Variants in NLGN4Y observed in about 807,000 individuals in gnomAD.
NLGN4Y encodes neuroligin 4 Y-linked, also known as neuroligin-4, Y-linked.
NLGN4Y carries 4 observed loss-of-function variants against 8.4 expected under a neutral mutation model. That is an observed-to-expected ratio of 0.48 (90% CI 0.23 to 1.09). NLGN4Y has a LOEUF of 1.09. Ranked by LOEUF, NLGN4Y falls within the 50% of genes least tolerant of loss-of-function variation. The pLI is 0.19. For synonymous variants in NLGN4Y, 35 were observed against 75.6 expected, an observed-to-expected ratio of 0.46 and a Z score of 2.78; for missense variants, 90 against 192.3, an observed-to-expected ratio of 0.47 and a Z score of 3.15.
intron 1 of NLGN4Y, among the ~76,000 whole-genome samples, chrY:14,603,130 A>G (rs2080434122): frequency 3.1e-5 from 1 of 32,413 alleles, no homozygotes; most frequent in African/African-American, 1.2e-4. Context: ...CCTATAGAGG[A>G]TGGATGTGTG....
intron 1 of NLGN4Y, among the ~76,000 whole-genome samples, chrY:14,613,613 C>T (rs2080477250): frequency 3.0e-5 from 1 of 32,960 alleles, no homozygotes; most frequent in African/African-American, 1.2e-4. Flanking sequence ...GACAGGCCTC[C>T]ATGTGTGACG....
intron 1 of NLGN4Y, among the ~76,000 whole-genome samples, chrY:14,525,669 T>C (rs2080090545): frequency 3.0e-5 from 1 of 32,852 alleles, no homozygotes; most frequent in Non-Finnish European, 7.4e-5. Context: ...ATTTTTCTAT[T>C]GTTCATTTTT....
At chrY:14,667,153 A>G (rs2080694873) in intron 2 of NLGN4Y, among the ~76,000 whole-genome samples, 1 of 31,743 alleles carries the variant, frequency 3.2e-5, no homozygotes. Flanking sequence ...AAGCTGAGAT[A>G]GCTCTATTAA....
chrY:14,591,067 C>T (rs1603500682), intron 1 of NLGN4Y, among the ~76,000 whole-genome samples: 2 of 32,815 alleles, frequency 6.1e-5, no homozygotes, highest in Admixed American at 5.6e-4. Context: ...ATTAGTTGTA[C>T]GGCTCTGCGC....
intron 4 of NLGN4Y, among the ~76,000 whole-genome samples, chrY:14,775,032 G>A (rs2081120694): frequency 6.2e-5 from 2 of 32,346 alleles, no homozygotes; most frequent in African/African-American, 2.4e-4. Context: ...GAGGAATAGC[G>A]TCAGGAGAAA....
intron 1 of NLGN4Y, among the ~76,000 whole-genome samples, chrY:14,611,195 A>G: frequency 1.5e-4 from 5 of 32,841 alleles, no homozygotes; most frequent in Non-Finnish European, 3.7e-4. Flanking sequence ...GTGTCTTTTA[A>G]TTGGGGCATT....
At chrY:14,779,294 C>T (rs775090079) in intron 4 of NLGN4Y, among the ~76,000 whole-genome samples, 24 of 33,364 alleles carry the variant, frequency 7.2e-4, no homozygotes, top group African/African-American at 2.8e-3. Flanking sequence ...AAAGATCTCT[C>T]TAAATAACAA....
chrY:14,589,217 G>A, intron 1 of NLGN4Y, among the ~76,000 whole-genome samples: 1 of 32,846 alleles, frequency 3.0e-5, no homozygotes, highest in South Asian at 7.0e-4. Flanking sequence ...TACAGTGCCT[G>A]AGCTAGATAC....
intron 1 of NLGN4Y, among the ~76,000 whole-genome samples, chrY:14,591,662 G>T: frequency 1.2e-4 from 4 of 33,462 alleles, no homozygotes; most frequent in African/African-American, 4.7e-4. Flanking sequence ...GGAGCTTGAA[G>T]TTGTAAGGTG....
At chrY:14,545,130 A>G in intron 1 of NLGN4Y, among the ~76,000 whole-genome samples, 2 of 33,119 alleles carry the variant, frequency 6.0e-5, no homozygotes, top group Non-Finnish European at 1.5e-4. Flanking sequence ...TTATGGCTGC[A>G]TAGTATTCCA....
At position 14,584,206 on chromosome Y, in the gene NLGN4Y, C is replaced by A. The variant is rs761978421; in HGVS notation, c.-111-37803C>A. On this transcript the variant is annotated intron_variant, in intron 1 of 6. Coordinates refer to ENST00000684976, the MANE Select transcript of NLGN4Y (RefSeq NM_001365588.1). ...ACAGTGGCACGATCAGGGCTCACTGCAACTTCCCTGTCTCGAGCTCAAGCC... is the reference window on the plus strand; with the variant it reads ...ACAGTGGCACGATCAGGGCTCACTGAAACTTCCCTGTCTCGAGCTCAAGCC... Among the ~76,000 whole-genome samples the A allele has an allele frequency of 1.2e-3, 42 of 33,739 alleles. No individual in the cohort carries two copies. In the South Asian group the frequency reaches 0.028, roughly 22 times the overall value. 90.5% of individuals were successfully genotyped at this position (33,739 alleles called of 37,273 possible). A position where few individuals can be genotyped will look rare whatever the true frequency, so the allele number is the denominator to read the frequency against.
At chrY:14,748,641 A>G in intron 4 of NLGN4Y, 1 of 186,190 alleles carries the variant, frequency 5.4e-6, no homozygotes, top group East Asian at 1.1e-4. Context: ...TGGCTCATGG[A>G]AACTGCAAGC....
intron 1 of NLGN4Y, among the ~76,000 whole-genome samples, chrY:14,560,730 A>G: frequency 3.0e-5 from 1 of 33,714 alleles, no homozygotes; most frequent in African/African-American, 1.2e-4. Context: ...GTGATGTGAA[A>G]GAAAATTACA....
At chrY:14,676,294 C>T (rs938365416) in intron 2 of NLGN4Y, among the ~76,000 whole-genome samples, 5 of 33,138 alleles carry the variant, frequency 1.5e-4, no homozygotes, top group African/African-American at 3.5e-4. Flanking sequence ...CTCCATTTCC[C>T]CAAAATCCGT....
upstream of NLGN4Y, chrY:14,524,430 C>G: frequency 1.0e-4 from 10 of 97,752 alleles, no homozygotes; most frequent in Non-Finnish European, 2.3e-4. Flanking sequence ...TTCATCTGGT[C>G]TCTTCTCCCC....
At chrY:14,610,916 T>A (rs903465555) in intron 1 of NLGN4Y, among the ~76,000 whole-genome samples, 1 of 32,928 alleles carries the variant, frequency 3.0e-5, no homozygotes, top group Non-Finnish European at 7.5e-5. Context: ...ATTGGGTGCA[T>A]ATATATTTAT....
At chrY:14,722,186 C>T (rs760983571) in intron 3 of NLGN4Y, among the ~76,000 whole-genome samples, 2 of 33,030 alleles carry the variant, frequency 6.1e-5, no homozygotes, top group African/African-American at 1.2e-4. Flanking sequence ...TTTGCTTGGA[C>T]ATCTTTTCTT....
chrY:14,698,672 G>T, intron 2 of NLGN4Y, among the ~76,000 whole-genome samples: 1 of 32,934 alleles, frequency 3.0e-5, no homozygotes, highest in Non-Finnish European at 7.5e-5. Context: ...TTACTGTTCA[G>T]CTTATTGAAA....
At chrY:14,600,348 A>T in intron 1 of NLGN4Y, among the ~76,000 whole-genome samples, 1 of 31,674 alleles carries the variant, frequency 3.2e-5, no homozygotes, top group South Asian at 7.0e-4. Context: ...TAAAATATTT[A>T]TTCAAATAAG....
Sources: allele counts gnomAD v4.1 joint callset (sites outside exome capture counted in the v4.1 genomes callset), GRCh38; gene constraint gnomAD v4.1.1; transcripts MANE v1.5; gene names NCBI Gene and HGNC (gene_info 2026-07-23, HGNC 2026-07-21).